The following TSPAN5 variants were observed in gnomAD, a reference collection of about 807,000 sequenced individuals.
TSPAN5 encodes the protein tetraspanin 5.
A neutral mutation model predicts 37.1 loss-of-function variants in TSPAN5; 10 were observed. That is an observed-to-expected ratio of 0.27 (90% CI 0.17 to 0.46). TSPAN5 has a LOEUF of 0.46. Among genes scored for constraint, TSPAN5 ranks in the 20% least tolerant of loss-of-function variants. The probability of loss-of-function intolerance (pLI) is 1.00; values close to 1 mark genes in which losing one functional copy is unlikely to be tolerated. For missense variants in TSPAN5, 195 were observed against 326.6 expected (o/e 0.60, Z 3.11); for synonymous variants, 110 against 118.9 (o/e 0.93, Z 0.48).
chr4:98,650,918 TA>T (rs1301045150), intron 1 of TSPAN5, among the ~76,000 whole-genome samples: 2 of 152,284 alleles, frequency 1.3e-5, no homozygotes, highest in East Asian at 3.9e-4. Context: ...TTAAATAAAG[TA>T]ATGACAGTAA....
intron 1 of TSPAN5, among the ~76,000 whole-genome samples, chr4:98,515,267 C>T (rs1416652344): frequency 6.6e-6 from 1 of 152,086 alleles, no homozygotes; most frequent in Non-Finnish European, 1.5e-5. Context: ...GGTGTCCTTA[C>T]CTGTCACATG....
At chr4:98,653,433 C>A (rs1463992701) in intron 1 of TSPAN5, among the ~76,000 whole-genome samples, 1 of 152,136 alleles carries the variant, frequency 6.6e-6, no homozygotes, top group African/African-American at 2.4e-5. Flanking sequence ...TGAGGCTTTT[C>A]TAATCCTTTG....
At chr4:98,566,965 G>A (rs756420721) in intron 1 of TSPAN5, among the ~76,000 whole-genome samples, 2 of 152,222 alleles carry the variant, frequency 1.3e-5, no homozygotes, top group African/African-American at 2.4e-5. Context: ...CAGCCTACAC[G>A]GCCAAGTGCA....
intron 1 of TSPAN5, among the ~76,000 whole-genome samples, chr4:98,518,273 A>C (rs554334425): frequency 3.2e-4 from 49 of 152,336 alleles, no homozygotes; most frequent in African/African-American, 1.2e-3. Context: ...TCTTTAAGGT[A>C]AAAGTAGGAT....
intron 1 of TSPAN5, among the ~76,000 whole-genome samples, chr4:98,566,250 T>A (rs1047685126): frequency 6.6e-6 from 1 of 151,672 alleles, no homozygotes; most frequent in Non-Finnish European, 1.5e-5. Flanking sequence ...ACAAGAATTA[T>A]GTGTGCTGAT....
intron 1 of TSPAN5, among the ~76,000 whole-genome samples, chr4:98,615,703 C>A (rs1225551843): frequency 2.6e-5 from 4 of 152,168 alleles, no homozygotes; most frequent in African/African-American, 9.7e-5. Flanking sequence ...TGCCTGTAAT[C>A]CCAGCTACTC....
intron 1 of TSPAN5, among the ~76,000 whole-genome samples, chr4:98,577,059 C>A (rs1391847687): frequency 6.6e-6 from 1 of 152,118 alleles, no homozygotes; most frequent in Non-Finnish European, 1.5e-5. Flanking sequence ...CTGCACCCGG[C>A]CATATTTACT....
At chr4:98,648,309 AG>A (rs1161427483) in intron 1 of TSPAN5, among the ~76,000 whole-genome samples, 1 of 152,154 alleles carries the variant, frequency 6.6e-6, no homozygotes, top group Non-Finnish European at 1.5e-5. Context: ...GCCCCAGAAA[AG>A]GGAGGCTGAA....
At chr4:98,594,218 A>G (rs1755713358) in intron 1 of TSPAN5, among the ~76,000 whole-genome samples, 1 of 133,414 alleles carries the variant, frequency 7.5e-6, no homozygotes, top group Non-Finnish European at 1.5e-5. Flanking sequence ...ATGGGAGTTC[A>G]CCTATGATTT....
chr4:98,479,402 T>C (rs1560505625), intron 4 of TSPAN5, among the ~76,000 whole-genome samples: 2 of 152,004 alleles, frequency 1.3e-5, no homozygotes, highest in African/African-American at 4.8e-5. Flanking sequence ...CAATGCCAGG[T>C]TGGACTGCCA....
rs536783543 is a variant in TSPAN5 at position 98,553,441 on chromosome 4, T to C, written c.82-45713A>G. 2.6e-5 allele frequency among the ~76,000 whole-genome samples: 4 copies of C among 152,336 alleles called. No homozygotes were observed. In the East Asian group the frequency reaches 5.8e-4, roughly 22 times the overall value. On this transcript the variant is annotated intron_variant, in intron 1 of 7. Coordinates refer to ENST00000305798, the MANE Select transcript of TSPAN5 (RefSeq NM_005723.4). ...ATAATCATATGCATTTCCTAAATTG[T>C]CTGTCTAGAACATGTTATCTTGATA...
At chr4:98,616,907 T>C (rs1456982298) in intron 1 of TSPAN5, among the ~76,000 whole-genome samples, 1 of 146,524 alleles carries the variant, frequency 6.8e-6, no homozygotes, top group African/African-American at 2.6e-5. Flanking sequence ...CTCTGCAGCC[T>C]TGACCTACTG....
rs137992876 is a variant in TSPAN5 at position 98,615,424 on chromosome 4, A to G, written c.81+42722T>C. Among the ~76,000 whole-genome samples, 932 of 152,210 alleles carry G rather than the reference A, an allele frequency of 6.1e-3. 10 individuals are homozygous for G. The highest frequency in any genetic ancestry group is 0.021 in the African/African-American group (883 of 41,490). The stretch of plus-strand genomic sequence containing the variant: ...GTTCTCAATCACTCAGCTTCTCTTC[A>G]CTAAAAATGTCCCGTGTTTGACTAT... On this transcript the variant is annotated intron_variant, in intron 1 of 7. Coordinates refer to ENST00000305798, the MANE Select transcript of TSPAN5 (RefSeq NM_005723.4).
chr4:98,507,844 G>C, intron 1 of TSPAN5, 116 bp from the exon 2 acceptor site: 1 of 703,630 alleles, frequency 1.4e-6, no homozygotes, highest in Non-Finnish European at 2.3e-6. Flanking sequence ...TTTTCCTAAA[G>C]TGTGAGCACT....
intron 1 of TSPAN5, among the ~76,000 whole-genome samples, chr4:98,557,149 A>C (rs1473104817): frequency 9.1e-6 from 1 of 109,384 alleles, no homozygotes; most frequent in African/African-American, 3.1e-5. Flanking sequence ...AACACTTTAA[A>C]AATAAAGATA....
chr4:98,474,315 T>A (rs1752648768), intron 7 of TSPAN5, among the ~76,000 whole-genome samples: 3 of 152,210 alleles, frequency 2.0e-5, no homozygotes, highest in Admixed American at 2.0e-4. Flanking sequence ...TGGTTTTGGT[T>A]CCCTTGTCAA....
chr4:98,591,086 T>G (rs1282999389), intron 1 of TSPAN5, among the ~76,000 whole-genome samples: 1 of 151,790 alleles, frequency 6.6e-6, no homozygotes, highest in Admixed American at 6.6e-5. Flanking sequence ...TGTTTTTTTT[T>G]TTTAATAAGT....
At chr4:98,547,788 C>A (rs13132635) in intron 1 of TSPAN5, among the ~76,000 whole-genome samples, 90,593 of 151,586 alleles carry the variant, frequency 0.6, 27,390 homozygotes, top group South Asian at 0.75. Flanking sequence ...AGACGGATCA[C>A]TTGAGTCCAG....
chr4:98,572,102 T>G (rs1310826579), intron 1 of TSPAN5, among the ~76,000 whole-genome samples: 1 of 152,162 alleles, frequency 6.6e-6, no homozygotes, highest in Admixed American at 6.5e-5. Context: ...GCCTCCCAAG[T>G]AGCTGCGATT....
Sources: gnomAD v4.1 joint callset for allele counts (sites outside exome capture counted in the v4.1 genomes callset) on GRCh38, gnomAD v4.1.1 for gene constraint, MANE v1.5 for transcripts, NCBI Gene and HGNC (gene_info 2026-07-23, HGNC 2026-07-21) for gene names.